SIPA1L2: variants seen among roughly 807,000 people sequenced by gnomAD.
SIPA1L2 encodes signal-induced proliferation-associated 1-like protein 2.
A neutral mutation model predicts 163.9 loss-of-function variants in SIPA1L2; 56 were observed. That is an observed-to-expected ratio of 0.34 (90% CI 0.28 to 0.43). SIPA1L2 has a LOEUF of 0.43. SIPA1L2 is among the 20% of genes least tolerant of loss of function. SIPA1L2 has a pLI of 1.00. For missense variants in SIPA1L2, 1,974 were observed against 2,193.5 expected (o/e 0.90, Z 2.00); for synonymous variants, 877 against 865.7 (o/e 1.01, Z -0.23).
chr1:232,568,020 T>C lies in SIPA1L2; in HGVS notation c.-270+6154A>G, dbSNP rs1030984133. On this transcript the variant is annotated intron_variant, in intron 2 of 22. Transcript: ENST00000674635. ...CCTGGAAGGTGGTATGACTGTAAAG[T>C]ACATGGATGCTCTGTGTCCCTCTCC... is the stretch of plus-strand genomic sequence containing the variant. Among the ~76,000 whole-genome samples the C allele has an allele frequency of 4.6e-5, 7 of 152,234 alleles. 1 individual carries two copies. Among genetic ancestry groups the C allele is most frequent in the African/African-American group, 1.4e-4 (6 of 41,458 alleles).
rs182322980 is a variant in SIPA1L2, at chr1:232,503,921, T to G, written c.1483+9936A>C. ...GTAAGTAAATGAGGGCAGGGCATAGTGGCTCCGGCCTATAATCCCAGCACT... is the reference window on the plus strand; with the variant it reads ...GTAAGTAAATGAGGGCAGGGCATAGGGGCTCCGGCCTATAATCCCAGCACT... On this transcript the variant is annotated intron_variant, in intron 3 of 22. Transcript: ENST00000674635. Among the ~76,000 whole-genome samples, 4 of 152,312 alleles carry G rather than the reference T, an allele frequency of 2.6e-5. No homozygotes were observed. In the East Asian group the frequency reaches 7.7e-4, roughly 29 times the overall value.
intron 1 of SIPA1L2, among the ~76,000 whole-genome samples, chr1:232,580,971 C>T (rs1318766081): frequency 1.3e-5 from 2 of 152,186 alleles, no homozygotes; most frequent in Non-Finnish European, 2.9e-5. Context: ...TCACAGCCAA[C>T]TGCCACATGA....
intron 2 of SIPA1L2, among the ~76,000 whole-genome samples, chr1:232,537,726 G>A (rs191173832): frequency 1.4e-3 from 220 of 152,204 alleles, no homozygotes; most frequent in African/African-American, 5.0e-3. Context: ...TGTGAGCCTC[G>A]ATTCTCTCAT....
rs924792415 is a variant in SIPA1L2, at chr1:232,579,020, G to T, written c.-318-4798C>A. Among the ~76,000 whole-genome samples the T allele has an allele frequency of 2.0e-5, 3 of 152,150 alleles. No individual in the cohort carries two copies. In the South Asian group the frequency reaches 6.2e-4, roughly 32 times the overall value. ...GGGATGCCAAGTGTGAGGGGGAAAGGTTCTCCCCTGTTCCCTGGTCTATCA... is the reference window on the plus strand; with the variant it reads ...GGGATGCCAAGTGTGAGGGGGAAAGTTTCTCCCCTGTTCCCTGGTCTATCA... On this transcript the variant is annotated intron_variant, in intron 1 of 22. Transcript: ENST00000674635.
chr1:232,509,050 C>T (rs144480896), intron 3 of SIPA1L2, among the ~76,000 whole-genome samples: 1,872 of 152,354 alleles, frequency 0.012, 41 homozygotes, highest in African/African-American at 0.043. Flanking sequence ...CAAGATTGCG[C>T]CACTGCACGC....
chr1:232,456,515 C>T (rs1336039697), intron 10 of SIPA1L2, among the ~76,000 whole-genome samples: 3 of 152,116 alleles, frequency 2.0e-5, no homozygotes, highest in Non-Finnish European at 4.4e-5. Context: ...AAAACAGATG[C>T]ACTGCAGCAA....
chr1:232,401,266 C>T (rs1027384936), intron 22 of SIPA1L2, among the ~76,000 whole-genome samples: 8 of 152,196 alleles, frequency 5.3e-5, no homozygotes, highest in Admixed American at 3.3e-4. Context: ...ACTTCCACAT[C>T]CTAGAAAACT....
chr1:232,610,137 C>T (rs1322956562), intron 1 of SIPA1L2, among the ~76,000 whole-genome samples: 1 of 152,058 alleles, frequency 6.6e-6, no homozygotes, highest in Non-Finnish European at 1.5e-5. Flanking sequence ...AAGTTTACGT[C>T]TGTTAAATCT....
At chr1:232,423,307 C>T (rs1280839203) in intron 18 of SIPA1L2, among the ~76,000 whole-genome samples, 2 of 152,150 alleles carry the variant, frequency 1.3e-5, no homozygotes, top group Non-Finnish European at 2.9e-5. Context: ...ATGGCCCCAT[C>T]GTAAGTCAAG....
At chr1:232,441,662 C>T (rs927224944) in intron 13 of SIPA1L2, 106 bp downstream of exon 13, 12 of 995,888 alleles carry the variant, frequency 1.2e-5, no homozygotes, top group South Asian at 7.4e-5. Flanking sequence ...ACTTGGTGCA[C>T]ATAGGTTGAA....
intron 2 of SIPA1L2, among the ~76,000 whole-genome samples, chr1:232,521,642 A>G (rs1041169514): frequency 5.3e-5 from 8 of 152,110 alleles, no homozygotes; most frequent in Non-Finnish European, 1.2e-4. Context: ...TTTAAATTGA[A>G]ATGACTGCAG....
intron 1 of SIPA1L2, among the ~76,000 whole-genome samples, chr1:232,583,000 G>A (rs1321204015): frequency 2.0e-5 from 3 of 152,130 alleles, no homozygotes; most frequent in African/African-American, 4.8e-5. Context: ...AACACAAAGC[G>A]CAAATTTCTA....
At chr1:232,584,381 C>T (rs1208837580) in intron 1 of SIPA1L2, among the ~76,000 whole-genome samples, 7 of 152,168 alleles carry the variant, frequency 4.6e-5, no homozygotes, top group African/African-American at 9.7e-5. Context: ...CATGCCACCA[C>T]GCCCAGCGAA....
At position 232,465,392 on chromosome 1, in the gene SIPA1L2, AT is replaced by A; in HGVS notation, c.2267del (p.Asp756ValfsTer13). The A allele has an allele frequency of 6.2e-7, 1 of 1,609,930 alleles. No homozygotes were observed. Among genetic ancestry groups the A allele is most frequent in the Non-Finnish European group, 8.5e-7 (1 of 1,176,822 alleles). ...GAATCGGTGGGCCAAATGGTGGCAC[AT>A]CTTTTGATCTGGAAACTCCAACACT... ...CYSVGVSRSK[D>X]VPPFGPPIPK... On this transcript the variant is annotated frameshift_variant, in exon 9 of 23. Coordinates refer to ENST00000674635, the MANE Select transcript of SIPA1L2 (RefSeq NM_020808.5). LOFTEE classifies it high-confidence loss of function. This position sits in a 1 kb window ranked among gnomAD's most constrained non-coding sequence, Gnocchi z 4.1.
At chr1:232,431,726 T>C (rs1337162832) in intron 16 of SIPA1L2, among the ~76,000 whole-genome samples, 1 of 152,234 alleles carries the variant, frequency 6.6e-6, no homozygotes, top group African/African-American at 2.4e-5. Context: ...TGTTGTAAGA[T>C]GGGTTATCAG....
Position 232,435,026 on chromosome 1 carries a change from A to T in SIPA1L2, c.4032-2555T>A, listed in dbSNP as rs994504243. ...GGCTTATGGCCTTAGTTTCCCCATC[A>T]AGAACCTGATGAAGGACTGTGCACT... On this transcript the variant is annotated intron_variant, in intron 15 of 22. Coordinates refer to ENST00000674635, the MANE Select transcript of SIPA1L2 (RefSeq NM_020808.5). Among the ~76,000 whole-genome samples the T allele has an allele frequency of 5.9e-5, 9 of 152,240 alleles. No individual in the cohort carries two copies. In the South Asian group the frequency reaches 1.5e-3, roughly 25 times the overall value.
intron 1 of SIPA1L2, among the ~76,000 whole-genome samples, chr1:232,604,662 A>C (rs761495535): frequency 1.1e-4 from 16 of 152,128 alleles, no homozygotes; most frequent in Non-Finnish European, 1.9e-4. Flanking sequence ...CTCATGTTGA[A>C]TTGTAATCAC....
In SIPA1L2 at chr1:232,515,185, T is replaced by C; in HGVS notation, c.155A>G (p.Asn52Ser). The change falls in exon 3 of 23, where the codon AAT becomes AGT. Residue 52 changes from asparagine to serine, a missense_variant. Physicochemically the swap from Asn to Ser is conservative, Grantham distance 46 (BLOSUM62 1). Coordinates refer to ENST00000674635, the MANE Select transcript of SIPA1L2 (RefSeq NM_020808.5). ...NGNMGPTTSLNASNSNETGGG... is the reference protein window; with the variant it reads ...NGNMGPTTSLSASNSNETGGG... Reference sequence around the variant, plus strand: ...GCCAGTCTCATTGGAATTCGAGGCATTTAAAGAAGTAGTGGGTCCCATGTT... The same window carrying C: ...GCCAGTCTCATTGGAATTCGAGGCACTTAAAGAAGTAGTGGGTCCCATGTT... 6.2e-7 allele frequency: 1 copy of C among 1,614,190 alleles called. No homozygotes were observed. The highest frequency in any genetic ancestry group is 1.1e-5 in the South Asian group (1 of 91,084).
At position 232,572,864 on chromosome 1, in the gene SIPA1L2, C is replaced by T. The variant is rs561788475; in HGVS notation, c.-270+1310G>A. Among the ~76,000 whole-genome samples the T allele has an allele frequency of 5.9e-5, 9 of 151,304 alleles. No individual in the cohort carries two copies. The South Asian group carries it at 1.3e-3, about 21-fold the overall frequency. ...CGCAATCTCGGCTCACCGCAACCTC[C>T]GCCTCCCAGGTTCAAGTGATTCTCC... On this transcript the variant is annotated intron_variant, in intron 2 of 22. Coordinates refer to ENST00000674635, the MANE Select transcript of SIPA1L2 (RefSeq NM_020808.5).
Sources: allele counts gnomAD v4.1 joint callset (sites outside exome capture counted in the v4.1 genomes callset), GRCh38; gene constraint gnomAD v4.1.1; non-coding constraint Gnocchi (gnomAD v3.1); transcripts MANE v1.5; gene names NCBI Gene and HGNC (gene_info 2026-07-23, HGNC 2026-07-21).